Variants in FILIP1L observed in about 807,000 individuals in gnomAD.
The protein encoded by FILIP1L is filamin A interacting protein 1 like.
A neutral mutation model predicts 96.6 loss-of-function variants in FILIP1L; 55 were observed. That is an observed-to-expected ratio of 0.57 (90% CI 0.46 to 0.71). The LOEUF (loss-of-function observed/expected upper bound fraction) is 0.71. FILIP1L is among the 30% of genes least tolerant of loss of function. The pLI is 0.00. For synonymous variants in FILIP1L, 467 were observed against 473.9 expected (o/e 0.99, Z 0.19); for missense variants, 1,304 against 1,321.2 (o/e 0.99, Z 0.20).
intron 1 of FILIP1L, among the ~76,000 whole-genome samples, chr3:99,990,429 A>G (rs1709478023): frequency 6.6e-6 from 1 of 152,214 alleles, no homozygotes; most frequent in Non-Finnish European, 1.5e-5. Flanking sequence ...TGCTGAGGAC[A>G]TAACAAAGTG....
At chr3:100,024,560 A>G (rs922374606) in intron 1 of FILIP1L, among the ~76,000 whole-genome samples, 1 of 152,132 alleles carries the variant, frequency 6.6e-6, no homozygotes, top group Non-Finnish European at 1.5e-5. Flanking sequence ...GTTATATTTC[A>G]CCAGTTTACA....
chr3:99,881,416 C>T (rs1341947559), intron 4 of FILIP1L, among the ~76,000 whole-genome samples: 5 of 152,126 alleles, frequency 3.3e-5, no homozygotes, highest in Non-Finnish European at 5.9e-5. Context: ...AAATTAGAGA[C>T]GGAAAAGACC....
At chr3:100,050,977 A>G (rs577282124) in intron 1 of FILIP1L, among the ~76,000 whole-genome samples, 2 of 152,326 alleles carry the variant, frequency 1.3e-5, no homozygotes, top group Non-Finnish European at 2.9e-5. Flanking sequence ...CTACCAAACT[A>G]TTTTCACATG....
rs1170525329 is a variant in FILIP1L at position 99,829,802 on chromosome 3, A to G, written c.*612T>C. Among the ~76,000 whole-genome samples, 1 of 152,220 alleles carries G rather than the reference A, an allele frequency of 6.6e-6. No individual in the cohort carries two copies. The highest frequency in any genetic ancestry group is 2.4e-5 in the African/African-American group (1 of 41,456). ...TAAGTGCCAGTGGTCAGGTATGCTT[A>G]CTACACCAGTGATTGTCAGGTATTC... On this transcript the variant is annotated 3_prime_UTR_variant, in exon 6 of 6. Transcript: ENST00000477258.
At chr3:99,939,373 T>C (rs1008478597) in intron 1 of FILIP1L, among the ~76,000 whole-genome samples, 3 of 152,240 alleles carry the variant, frequency 2.0e-5, no homozygotes, top group African/African-American at 7.2e-5. Context: ...CTTGCCACAG[T>C]GTAGTCCTTT....
chr3:99,945,420 G>A (rs1707980044), intron 1 of FILIP1L, among the ~76,000 whole-genome samples: 1 of 152,172 alleles, frequency 6.6e-6, no homozygotes. Flanking sequence ...ACTGTGTGTG[G>A]TTCCATATAG....
At chr3:100,082,464 G>T (rs1010533190) in intron 1 of FILIP1L, among the ~76,000 whole-genome samples, 2 of 152,104 alleles carry the variant, frequency 1.3e-5, no homozygotes, top group Admixed American at 6.5e-5. Context: ...GTTAGTTAAT[G>T]GTTTCTATTT....
At chr3:99,872,052 T>C (rs1176978942) in intron 4 of FILIP1L, among the ~76,000 whole-genome samples, 1 of 152,136 alleles carries the variant, frequency 6.6e-6, no homozygotes, top group Admixed American at 6.5e-5. Context: ...TTTCTGGGGC[T>C]TCTGTTCTCC....
chr3:100,081,688 A>G (rs1367262176), intron 1 of FILIP1L, among the ~76,000 whole-genome samples: 1 of 152,220 alleles, frequency 6.6e-6, no homozygotes, highest in Non-Finnish European at 1.5e-5. Flanking sequence ...TTTTTAAAAT[A>G]TATCCATCAA....
intron 4 of FILIP1L, among the ~76,000 whole-genome samples, chr3:99,861,873 C>T (rs1183304443): frequency 6.6e-6 from 1 of 152,142 alleles, no homozygotes; most frequent in African/African-American, 2.4e-5. Context: ...TCTAGTGTGA[C>T]TTGAGCAAGC....
chr3:99,990,126 A>G (rs2107128648), intron 1 of FILIP1L, among the ~76,000 whole-genome samples: 1 of 152,280 alleles, frequency 6.6e-6, no homozygotes, highest in Middle Eastern at 3.4e-3. Context: ...CCCAGCAGCT[A>G]TTGTATGCCA....
intron 1 of FILIP1L, among the ~76,000 whole-genome samples, chr3:100,111,470 G>C (rs1294004838): frequency 6.6e-6 from 1 of 152,032 alleles, no homozygotes; most frequent in Non-Finnish European, 1.5e-5. Context: ...TACTACATAG[G>C]GTCAAGTGCG....
intron 4 of FILIP1L, among the ~76,000 whole-genome samples, chr3:99,870,253 A>G (rs1944723892): frequency 6.6e-6 from 1 of 152,154 alleles, no homozygotes; most frequent in African/African-American, 2.4e-5. Context: ...AGAAGAGTAG[A>G]ACTCTGATTT....
At chr3:99,980,815 A>G (rs964842395) in intron 1 of FILIP1L, among the ~76,000 whole-genome samples, 4 of 152,160 alleles carry the variant, frequency 2.6e-5, no homozygotes, top group Admixed American at 6.5e-5. Context: ...AGTGAGTGAC[A>G]TGTTCTAGCT....
intron 4 of FILIP1L, among the ~76,000 whole-genome samples, chr3:99,878,548 G>T (rs1297863657): frequency 6.6e-6 from 1 of 152,172 alleles, no homozygotes; most frequent in Non-Finnish European, 1.5e-5. Context: ...AGGTATGTTT[G>T]GTAAAGGAGT....
chr3:99,843,862 T>C (rs2107510999), intron 5 of FILIP1L, among the ~76,000 whole-genome samples: 1 of 152,296 alleles, frequency 6.6e-6, no homozygotes, highest in South Asian at 2.1e-4. Context: ...GCAGTGGCAT[T>C]AGATTCTCAT....
intron 1 of FILIP1L, among the ~76,000 whole-genome samples, chr3:99,931,529 T>C (rs1707482591): frequency 6.6e-6 from 1 of 152,218 alleles, no homozygotes. Context: ...AAAAGTGCAT[T>C]AGGACAGAAA....
chr3:99,866,838 C>T (rs1260603269), intron 4 of FILIP1L, among the ~76,000 whole-genome samples: 1 of 152,160 alleles, frequency 6.6e-6, no homozygotes, highest in Admixed American at 6.5e-5. Flanking sequence ...AAGTTTTATT[C>T]TGTAATCTGC....
chr3:99,945,401 G>A (rs972549951), intron 1 of FILIP1L, among the ~76,000 whole-genome samples: 3 of 152,144 alleles, frequency 2.0e-5, no homozygotes, highest in Non-Finnish European at 2.9e-5. Flanking sequence ...GAGCTTGGGG[G>A]TTCCACCCAC....
Sources: gnomAD v4.1 joint callset for allele counts (sites outside exome capture counted in the v4.1 genomes callset) on GRCh38, gnomAD v4.1.1 for gene constraint, MANE v1.5 for transcripts, NCBI Gene and HGNC (gene_info 2026-07-23, HGNC 2026-07-21) for gene names.